The following FMN2 variants were observed in gnomAD, a reference collection of about 807,000 sequenced individuals.
The protein encoded by FMN2 is formin-2.
FMN2 carries 51 observed loss-of-function variants against 142.3 expected under a neutral mutation model. The ratio of observed to expected loss-of-function variants is 0.36; its 90% CI spans 0.29 to 0.45. The LOEUF (loss-of-function observed/expected upper bound fraction) is 0.45. Among genes scored for constraint, FMN2 ranks in the 20% least tolerant of loss-of-function variants. The pLI, the probability that FMN2 is intolerant of heterozygous loss-of-function variation, is 1.00. For synonymous variants in FMN2, 882 were observed against 869.8 expected (o/e 1.01, Z -0.25); for missense variants, 1,936 against 2,122.8 (o/e 0.91, Z 1.73).
intron 6 of FMN2, among the ~76,000 whole-genome samples, chr1:240,236,374 G>T (rs1667710573): frequency 6.6e-6 from 1 of 152,124 alleles, no homozygotes; most frequent in African/African-American, 2.4e-5. Context: ...GACACCCCAT[G>T]GTATTTCCTC....
chr1:240,148,896 C>T (rs911073855), intron 2 of FMN2, among the ~76,000 whole-genome samples: 17 of 151,532 alleles, frequency 1.1e-4, no homozygotes, highest in Admixed American at 5.3e-4. Context: ...GGCGTGAACC[C>T]GGGAGGCGGA....
chr1:240,300,557 T>A (rs1670161296), intron 8 of FMN2, among the ~76,000 whole-genome samples: 1 of 152,210 alleles, frequency 6.6e-6, no homozygotes, highest in African/African-American at 2.4e-5. Context: ...TTTGTACTAG[T>A]TTCTTTCTCC....
intron 4 of FMN2, among the ~76,000 whole-genome samples, chr1:240,198,657 C>T (rs1347954154): frequency 6.6e-6 from 1 of 152,068 alleles, no homozygotes; most frequent in East Asian, 1.9e-4. Flanking sequence ...TTGAAATTTC[C>T]CTTTCAAACT....
At chr1:240,336,926 G>C (rs978218804) in intron 13 of FMN2, among the ~76,000 whole-genome samples, 3 of 151,522 alleles carry the variant, frequency 2.0e-5, no homozygotes, top group African/African-American at 7.3e-5. Context: ...TGAAAAACAA[G>C]ATGTTTTATG....
intron 16 of FMN2, chr1:240,458,408 ATAAAG>A (rs778024557): frequency 1.3e-5 from 2 of 152,186 alleles, no homozygotes; most frequent in African/African-American, 2.4e-5. Context: ...TAAACTCTCT[ATAAAG>A]TAATTTCTAT....
chr1:240,207,120 C>A lies in FMN2; in HGVS notation c.2308C>A (p.Pro770Thr), dbSNP rs773229569. The change falls in exon 5 of 18, where the codon CCC (proline) becomes ACC (threonine). Residue 770 changes from proline (P) to threonine (T), a missense_variant. Pro to Thr is a conservative substitution (Grantham distance 38). Around this residue, in one of 8 missense-constraint regions of FMN2, gnomAD observed 478 missense variants for 462.8 expected, o/e 1.03. Transcript: ENST00000319653. The stretch of plus-strand genomic sequence containing the variant: ...TGGGCTGCCAGGGCGTCCTCCATGC[C>A]CCCCTGGGGCTGAAAGTGGACCTCA... ...VDGLPGRPPC[P>T]PGAESGPQTK... 2 of 1,614,086 alleles carry A rather than the reference C, an allele frequency of 1.2e-6. No homozygotes were observed. The highest frequency in any genetic ancestry group is 1.7e-4 in the Middle Eastern group (1 of 6,060).
chr1:240,231,938 G>A (rs901923668), intron 6 of FMN2, among the ~76,000 whole-genome samples: 1 of 152,068 alleles, frequency 6.6e-6, no homozygotes, highest in Non-Finnish European at 1.5e-5. Flanking sequence ...TCATTGCTTG[G>A]TTTCCTTCCT....
chr1:240,211,293 T>G (rs1305531991), intron 6 of FMN2, 58 bp downstream of exon 6: 1 of 1,535,774 alleles, frequency 6.5e-7, no homozygotes, highest in African/African-American at 1.4e-5. Flanking sequence ...GTGTGAACTG[T>G]CATTAGAGAA....
At chr1:240,185,490 A>G (rs1665403899) in intron 3 of FMN2, among the ~76,000 whole-genome samples, 1 of 152,228 alleles carries the variant, frequency 6.6e-6, no homozygotes, top group African/African-American at 2.4e-5. Context: ...AATTCAGTTC[A>G]GGTAGCCATT....
At chr1:240,136,579 G>C (rs1484972552) in intron 2 of FMN2, among the ~76,000 whole-genome samples, 1 of 152,064 alleles carries the variant, frequency 6.6e-6, no homozygotes, top group African/African-American at 2.4e-5. Flanking sequence ...TTGGCAAACA[G>C]TGTTGGGTGA....
At chr1:240,262,759 C>CTTTTT (rs764626617) in intron 7 of FMN2, among the ~76,000 whole-genome samples, 9 of 117,782 alleles carry the variant, frequency 7.6e-5, no homozygotes, top group South Asian at 2.9e-4. Context: ...AAAACTTTTA[C>CTTTTT]TTTTTTTTTT....
chr1:240,261,756 C>T (rs1272150166), intron 7 of FMN2, among the ~76,000 whole-genome samples: 1 of 152,162 alleles, frequency 6.6e-6, no homozygotes, highest in Non-Finnish European at 1.5e-5. Context: ...TATAAGGGGG[C>T]ATCCCCAAAT....
intron 8 of FMN2, among the ~76,000 whole-genome samples, chr1:240,317,989 A>G (rs1040010566): frequency 1.3e-5 from 2 of 152,196 alleles, no homozygotes; most frequent in African/African-American, 4.8e-5. Context: ...TTAATGGTCA[A>G]TGAGGCTGAA....
At chr1:240,151,917 C>T (rs939635398) in intron 2 of FMN2, among the ~76,000 whole-genome samples, 1 of 152,012 alleles carries the variant, frequency 6.6e-6, no homozygotes, top group Admixed American at 6.6e-5. Flanking sequence ...CAGATGTGCA[C>T]CACCTAGCCA....
At chr1:240,344,481 C>A (rs1384168187) in intron 13 of FMN2, among the ~76,000 whole-genome samples, 1 of 152,162 alleles carries the variant, frequency 6.6e-6, no homozygotes, top group East Asian at 1.9e-4. Flanking sequence ...TTTCTCCTCA[C>A]TCCTTCCTCC....
intron 15 of FMN2, among the ~76,000 whole-genome samples, chr1:240,396,085 A>G (rs568337644): frequency 6.6e-6 from 1 of 152,366 alleles, no homozygotes; most frequent in South Asian, 2.1e-4. Flanking sequence ...GAAGACTCAG[A>G]TAATTGTTAA....
intron 16 of FMN2, among the ~76,000 whole-genome samples, chr1:240,450,186 C>T (rs1296831448): frequency 6.6e-6 from 1 of 151,982 alleles, no homozygotes; most frequent in African/African-American, 2.4e-5. Context: ...ATGAAAACAG[C>T]ATTACAGCTA....
At position 240,206,993 on chromosome 1, in the gene FMN2, G is replaced by C. The variant is rs767908331; in HGVS notation, c.2181G>C (p.Arg727Ser). ...GCGATGTCTGTCTCGAAGCTCTCAG[G>C]TTAGAAGAAAAGGAAGTACGGCATC... ...ASGDVCLEAL[R>S]LEEKEVRHHR... Residue 727 changes from arginine (R) to serine (S), a missense_variant, in exon 5 of 18, where the codon AGG becomes AGC. Around this residue, in one of 8 missense-constraint regions of FMN2, gnomAD observed 478 missense variants for 462.8 expected, o/e 1.03. Transcript: ENST00000319653. 1.2e-6 allele frequency: 2 copies of C among 1,614,174 alleles called. No homozygotes were observed. Among genetic ancestry groups the C allele is most frequent in the African/African-American group, 1.3e-5 (1 of 75,050 alleles).
At chr1:240,201,778 G>A (rs1180452575) in intron 4 of FMN2, among the ~76,000 whole-genome samples, 2 of 151,902 alleles carry the variant, frequency 1.3e-5, no homozygotes, top group African/African-American at 2.4e-5. Context: ...TTGGTACCTG[G>A]GTATATCAGT....
Sources: allele counts gnomAD v4.1 joint callset (sites outside exome capture counted in the v4.1 genomes callset), GRCh38; gene constraint gnomAD v4.1.1; regional missense constraint gnomAD v4.1.1; transcripts MANE v1.5; gene names NCBI Gene and HGNC (gene_info 2026-07-23, HGNC 2026-07-21).